The following OCA2 variants were observed in gnomAD, a reference collection of about 807,000 sequenced individuals.
The protein encoded by OCA2 is P protein.
Under a neutral mutation model 100.2 loss-of-function variants are expected in OCA2, and 77 were observed. The ratio of observed to expected loss-of-function variants is 0.77; its 90% CI spans 0.64 to 0.93. The LOEUF is 0.93. Ranked by LOEUF, OCA2 falls within the 40% of genes least tolerant of loss-of-function variation. OCA2 has a pLI of 0.00. For missense variants in OCA2, 1,062 were observed against 1,089.1 expected, an observed-to-expected ratio of 0.98 and a Z score of 0.35; for synonymous variants, 432 against 439.2, an observed-to-expected ratio of 0.98 and a Z score of 0.21.
intron 19 of OCA2, among the ~76,000 whole-genome samples, chr15:27,907,924 C>T (rs2140235693): frequency 6.6e-6 from 1 of 152,212 alleles, no homozygotes; most frequent in Middle Eastern, 3.4e-3. Flanking sequence ...GGAATTGTAT[C>T]AAGCCCTCAA....
At chr15:27,899,135 T>G (rs1006055613) in intron 19 of OCA2, among the ~76,000 whole-genome samples, 6 of 152,290 alleles carry the variant, frequency 3.9e-5, no homozygotes, top group Admixed American at 6.5e-5. Flanking sequence ...TATTTGAAAA[T>G]TAATCAATGT....
intron 9 of OCA2, among the ~76,000 whole-genome samples, chr15:27,993,700 T>G (rs1818654824): frequency 6.6e-6 from 1 of 151,872 alleles, no homozygotes; most frequent in African/African-American, 2.4e-5. Context: ...ACACACCGGC[T>G]TGCAAGTGAT....
At chr15:27,933,158 A>G (rs1567123139) in intron 18 of OCA2, among the ~76,000 whole-genome samples, 2 of 152,210 alleles carry the variant, frequency 1.3e-5, no homozygotes, top group Admixed American at 1.3e-4. Context: ...ATCTTACACC[A>G]TATACAGAAA....
At chr15:28,018,668 AGG>A in intron 6 of OCA2, 111 bp from the exon 7 acceptor site, 1 of 1,028,176 alleles carries the variant, frequency 9.7e-7, no homozygotes, top group Non-Finnish European at 1.5e-6. Context: ...GCGTTTCCCC[AGG>A]TGCCCCACGC....
chr15:28,005,467 G>C (rs148603860), intron 9 of OCA2, among the ~76,000 whole-genome samples: 8 of 152,166 alleles, frequency 5.3e-5, no homozygotes, highest in South Asian at 2.1e-4. Flanking sequence ...ATCCTACATC[G>C]AGGCGTCGCA....
chr15:27,869,334 C>G (rs1452493447), intron 21 of OCA2, among the ~76,000 whole-genome samples: 2 of 152,194 alleles, frequency 1.3e-5, no homozygotes, highest in Admixed American at 1.3e-4. Flanking sequence ...TCCTGAGACT[C>G]CAGGGGAAGA....
chr15:28,021,545 C>T (rs1015801748), intron 6 of OCA2, among the ~76,000 whole-genome samples: 7 of 152,316 alleles, frequency 4.6e-5, no homozygotes, highest in South Asian at 4.1e-4. Flanking sequence ...CTCGCTTGAG[C>T]GTGGGAGCCT....
intron 14 of OCA2, among the ~76,000 whole-genome samples, chr15:27,968,210 C>A (rs575311552): frequency 1.3e-5 from 2 of 152,348 alleles, no homozygotes; most frequent in African/African-American, 4.8e-5. Flanking sequence ...CTCCTGAGCC[C>A]CCAGCAGGAC....
chr15:27,914,882 C>CA (rs2038604698), intron 19 of OCA2, among the ~76,000 whole-genome samples: 1 of 151,658 alleles, frequency 6.6e-6, no homozygotes, highest in Non-Finnish European at 1.5e-5. Context: ...TATATGGAAC[C>CA]AAAAAAAGAG....
intron 23 of OCA2, among the ~76,000 whole-genome samples, chr15:27,825,744 TC>T (rs1348138203): frequency 2.0e-5 from 3 of 152,142 alleles, no homozygotes; most frequent in African/African-American, 7.2e-5. Context: ...CCTCTGAGGC[TC>T]CTCGCAGCTC....
intron 23 of OCA2, among the ~76,000 whole-genome samples, chr15:27,782,846 A>G (rs1469349150): frequency 6.6e-6 from 1 of 152,250 alleles, no homozygotes; most frequent in Non-Finnish European, 1.5e-5. Flanking sequence ...AAAGTAAATA[A>G]GACAATTCTT....
In OCA2 at chr15:27,896,199, G is replaced by A. The variant is rs995739966; in HGVS notation, c.2080-24277C>T. ...TGCCCTGAAGAGAGCTGTAGATAGA[G>A]GCTTGTCTATCCCTCACAGTACCAA... On this transcript the variant is annotated intron_variant, in intron 19 of 23. Transcript: ENST00000354638. 16 of 915,446 alleles carry A rather than the reference G, an allele frequency of 1.7e-5. No individual in the cohort carries two copies. The African/African-American group carries it at 2.4e-4, about 14-fold the overall frequency. The allele number at this position is 915,446 out of a possible 1,614,324, so 56.7% of individuals were successfully genotyped here.
the OCA2 span, among the ~76,000 whole-genome samples, chr15:27,722,409 G>A: frequency 6.6e-6 from 1 of 152,202 alleles, no homozygotes; most frequent in African/African-American, 2.4e-5. Flanking sequence ...CTGCACACCT[G>A]GCAGCCTTGT....
At chr15:27,923,364 A>G (rs2038934978) in intron 19 of OCA2, among the ~76,000 whole-genome samples, 1 of 152,114 alleles carries the variant, frequency 6.6e-6, no homozygotes. Flanking sequence ...TTTTATATAT[A>G]CCCAGTAATG....
rs1443425609 is a variant in OCA2, at chr15:27,989,417, G to A, written c.1182+184C>T. 2.6e-5 allele frequency among the ~76,000 whole-genome samples: 4 copies of A among 152,006 alleles called. No homozygotes were observed. The East Asian group carries it at 5.8e-4, about 22-fold the overall frequency. On this transcript the variant is annotated intron_variant, in intron 11 of 23. Transcript: ENST00000354638. Reference sequence around the variant, plus strand: ...ACACGCCTTGGGCTGAAATTCTCCCGCCCACGAACCATAGCCCCATTCCAT... The same window carrying A: ...ACACGCCTTGGGCTGAAATTCTCCCACCCACGAACCATAGCCCCATTCCAT...
intron 2 of OCA2, among the ~76,000 whole-genome samples, chr15:28,054,185 G>GGTATGTGTGCACACAT (rs985897035): frequency 1.3e-5 from 2 of 151,814 alleles, no homozygotes; most frequent in Admixed American, 6.6e-5. Context: ...TGTGTGTATG[G>GGTATGTGTGCACACAT]GTATGTGTGC....
intron 18 of OCA2, among the ~76,000 whole-genome samples, chr15:27,935,246 A>T (rs2039410459): frequency 6.6e-6 from 1 of 152,180 alleles, no homozygotes; most frequent in South Asian, 2.1e-4. Context: ...CATTTACGTG[A>T]CCTGTCTTTA....
chr15:27,923,702 T>A (rs1339516137), intron 19 of OCA2, among the ~76,000 whole-genome samples: 1 of 152,200 alleles, frequency 6.6e-6, no homozygotes, highest in Non-Finnish European at 1.5e-5. Context: ...TTAGTGCAGC[T>A]GTTTGGTTTC....
chr15:27,928,921 TA>T (rs2039144396), intron 18 of OCA2, among the ~76,000 whole-genome samples: 2 of 152,208 alleles, frequency 1.3e-5, no homozygotes, highest in African/African-American at 4.8e-5. Flanking sequence ...CTTGGCTATG[TA>T]ATATAACATA....
Sources: allele counts gnomAD v4.1 joint callset (sites outside exome capture counted in the v4.1 genomes callset), GRCh38; gene constraint gnomAD v4.1.1; transcripts MANE v1.5; gene names NCBI Gene and HGNC (gene_info 2026-07-23, HGNC 2026-07-21).